Variants in NOP9 observed in about 807,000 individuals in gnomAD.
NOP9 encodes the protein nucleolar protein 9.
NOP9 carries 50 observed loss-of-function variants against 63.0 expected under a neutral mutation model. The ratio of observed to expected loss-of-function variants is 0.79; its 90% CI spans 0.63 to 1.00. NOP9 has a LOEUF of 1.00. Ranked by LOEUF, NOP9 falls within the 50% of genes least tolerant of loss-of-function variation. The pLI is 0.00. For synonymous variants in NOP9, 343 were observed against 332.8 expected, an observed-to-expected ratio of 1.03 and a Z score of -0.33; for missense variants, 758 against 803.0, an observed-to-expected ratio of 0.94 and a Z score of 0.68.
the NOP9 span, among the ~76,000 whole-genome samples, chr14:24,281,417 G>C: frequency 1.3e-5 from 2 of 152,348 alleles, no homozygotes; most frequent in African/African-American, 4.8e-5. Flanking sequence ...CCCAGGTACT[G>C]TGCAGTTCTG....
At chr14:24,301,328 G>C (rs1286262823) in intron 2 of NOP9, among the ~76,000 whole-genome samples, 2 of 152,194 alleles carry the variant, frequency 1.3e-5, no homozygotes, top group African/African-American at 2.4e-5. Flanking sequence ...GAAAAACTAG[G>C]AAATAAAGTT....
At chr14:24,302,990 G>A (rs1387035553) in intron 5 of NOP9, 84 bp from the exon 6 acceptor site, 27 of 1,424,228 alleles carry the variant, frequency 1.9e-5, no homozygotes, top group Non-Finnish European at 2.3e-5. Context: ...AGCATTTTTA[G>A]TTGTTTTCGT....
Position 24,304,266 on chromosome 14 carries a change from C to G in NOP9, c.1636C>G (p.Gln546Glu). ...GCGCAAGCTGCGCCGCCGTGTGCTGCAGAACCTAAAGGTTAGATTTCTGGC... is the reference window on the plus strand; with the variant it reads ...GCGCAAGCTGCGCCGCCGTGTGCTGGAGAACCTAAAGGTTAGATTTCTGGC... The part of the protein sequence containing the change: ...VTRKLRRRVL[Q>E]NLKGQYVALA... Residue 546 changes from glutamine to glutamate, a missense_variant, in exon 8 of 10, where the codon CAG (glutamine) becomes GAG (glutamate). By Grantham distance (29) the Gln-to-Glu change is conservative. Transcript: ENST00000267425. 1.2e-6 allele frequency: 2 copies of G among 1,613,400 alleles called. No individual in the cohort carries two copies. Among genetic ancestry groups the G allele is most frequent in the African/African-American group, 2.7e-5 (2 of 75,054 alleles).
the NOP9 span, chr14:24,293,823 T>C: frequency 6.6e-6 from 1 of 151,978 alleles, no homozygotes; most frequent in African/African-American, 2.4e-5. Flanking sequence ...ACCCCGTCTC[T>C]AAAAAATAAA....
upstream of NOP9, among the ~76,000 whole-genome samples, chr14:24,298,054 AT>A (rs879290154): frequency 3.4e-5 from 5 of 148,332 alleles, no homozygotes; most frequent in Admixed American, 1.3e-4. Context: ...TTTAATTAAA[AT>A]TTTTTTTTTT....
In NOP9 at chr14:24,300,108, G is replaced by C. The variant is rs376446684; in HGVS notation, c.154G>C (p.Asp52His). The change falls in exon 1 of 10, where the codon GAT (aspartate) becomes CAT (histidine). Residue 52 changes from aspartate to histidine, a missense_variant. Asp to His is a moderately conservative substitution (Grantham distance 81, BLOSUM62 -1). Coordinates refer to ENST00000267425, the MANE Select transcript of NOP9 (RefSeq NM_174913.3). Reference protein sequence around the residue: ...PPDGRSEPAPDSHPHLSPEAL... With the variant: ...PPDGRSEPAPHSHPHLSPEAL... ...GGATGGGCGCTCGGAGCCGGCTCCA[G>C]ATTCGCACCCGCACCTGAGCCCGGA... 2 of 1,613,466 alleles carry C rather than the reference G, an allele frequency of 1.2e-6. No homozygotes were observed. Among genetic ancestry groups the C allele is most frequent in the African/African-American group, 1.3e-5 (1 of 74,946 alleles).
upstream of NOP9, among the ~76,000 whole-genome samples, chr14:24,297,888 A>T (rs951316179): frequency 1.3e-5 from 2 of 152,048 alleles, no homozygotes; most frequent in Admixed American, 1.3e-4. Context: ...CGCTTTCCCA[A>T]ACCACTTTCC....
chr14:24,290,588 C>G, the NOP9 span: 1 of 406,486 alleles, frequency 2.5e-6, no homozygotes, highest in Non-Finnish European at 4.5e-6. Flanking sequence ...AATCAGCAGT[C>G]AAAAACACAT....
chr14:24,299,323 C>A, upstream of NOP9: 1 of 553,970 alleles, frequency 1.8e-6, no homozygotes, highest in Non-Finnish European at 3.2e-6. Flanking sequence ...TTTGGGAGGC[C>A]CAGAGAGTGA....
At chr14:24,284,089 G>T in the NOP9 span, among the ~76,000 whole-genome samples, 3 of 152,192 alleles carry the variant, frequency 2.0e-5, no homozygotes, top group Non-Finnish European at 2.9e-5. Flanking sequence ...GTTGCCTGCA[G>T]GCAGGAGCTG....
the NOP9 span, among the ~76,000 whole-genome samples, chr14:24,280,948 G>A: frequency 2.6e-5 from 4 of 152,156 alleles, no homozygotes; most frequent in Admixed American, 6.5e-5. Flanking sequence ...TCGCAGCACC[G>A]GGAGGGAGTG....
At position 24,302,286 on chromosome 14, in the gene NOP9, C is replaced by A. The variant is rs954443391; in HGVS notation, c.1005C>A (p.Val335=). The A allele has an allele frequency of 1.2e-6, 2 of 1,614,080 alleles. No individual in the cohort carries two copies. The highest frequency in any genetic ancestry group is 1.3e-5 in the African/African-American group (1 of 74,942). Residue 335 remains valine (V), a synonymous_variant, in exon 5 of 10, where the codon GTC becomes GTA. Transcript: ENST00000267425. The part of the protein sequence containing the change: ...DQTSSRLLEQ[V]LLVLEPPRLQ... ...CGAGTTCCAGACTCCTGGAGCAGGTCCTGCTGGTGTTGGAGCCCCCAAGAC... is the reference window on the plus strand; with the variant it reads ...CGAGTTCCAGACTCCTGGAGCAGGTACTGCTGGTGTTGGAGCCCCCAAGAC...
At chr14:24,272,487 A>G in the NOP9 span, among the ~76,000 whole-genome samples, 2 of 152,330 alleles carry the variant, frequency 1.3e-5, no homozygotes, top group African/African-American at 4.8e-5. Flanking sequence ...TCCCACTGCC[A>G]CTAGGAGTTC....
the NOP9 span, among the ~76,000 whole-genome samples, chr14:24,284,586 G>A: frequency 6.6e-6 from 1 of 152,146 alleles, no homozygotes. Context: ...ACCAGGGACT[G>A]GAGGTGATGG....
At chr14:24,279,185 TC>T in the NOP9 span, among the ~76,000 whole-genome samples, 1 of 152,006 alleles carries the variant, frequency 6.6e-6, no homozygotes, top group East Asian at 1.9e-4. Context: ...GAGACCAGAG[TC>T]TCTCCACTCT....
chr14:24,273,474 C>T, the NOP9 span, among the ~76,000 whole-genome samples: 6 of 152,310 alleles, frequency 3.9e-5, no homozygotes, highest in Middle Eastern at 3.4e-3. Flanking sequence ...CCACCATGCC[C>T]CGCCAGTGCT....
chr14:24,289,170 G>T, the NOP9 span, among the ~76,000 whole-genome samples: 28 of 152,052 alleles, frequency 1.8e-4, no homozygotes, highest in Non-Finnish European at 3.5e-4. Context: ...TTTTAGTAGA[G>T]ACGAGGTTTC....
At chr14:24,287,045 A>G in the NOP9 span, among the ~76,000 whole-genome samples, 1 of 151,788 alleles carries the variant, frequency 6.6e-6, no homozygotes, top group African/African-American at 2.4e-5. Context: ...GCACGCCACC[A>G]CACCAGGCTA....
chr14:24,301,915 G>C (rs2041384205), intron 3 of NOP9, 50 bp from the exon 4 acceptor site: 1 of 1,584,048 alleles, frequency 6.3e-7, no homozygotes, highest in African/African-American at 1.4e-5. Context: ...AGGTTACGCA[G>C]GTTGTCTGGA....
Sources: gnomAD v4.1 joint callset for allele counts (sites outside exome capture counted in the v4.1 genomes callset) on GRCh38, gnomAD v4.1.1 for gene constraint, MANE v1.5 for transcripts, NCBI Gene and HGNC (gene_info 2026-07-23, HGNC 2026-07-21) for gene names.